The following SGPP1 variants were observed in gnomAD, a reference collection of about 807,000 sequenced individuals.
SGPP1 encodes sphingosine-1-phosphate phosphatase 1.
SGPP1 carries 21 observed loss-of-function variants against 33.0 expected under a neutral mutation model. The observed-to-expected ratio is 0.64, with a 90% CI of 0.45 to 0.92. The LOEUF (loss-of-function observed/expected upper bound fraction) is 0.92, where lower values mean the gene tolerates loss of function less well. Among genes scored for constraint, SGPP1 ranks in the 40% least tolerant of loss-of-function variants. The pLI is 0.00. For missense variants in SGPP1, 543 were observed against 589.4 expected, an observed-to-expected ratio of 0.92 and a Z score of 0.81; for synonymous variants, 239 against 241.2, an observed-to-expected ratio of 0.99 and a Z score of 0.08.
intron 1 of SGPP1, among the ~76,000 whole-genome samples, chr14:63,718,506 T>G (rs572961273): frequency 1.3e-5 from 2 of 152,046 alleles, no homozygotes; most frequent in South Asian, 4.1e-4. Context: ...ATATCATACA[T>G]TGGAACATTA....
At chr14:63,715,661 T>C (rs1241901996) in intron 1 of SGPP1, among the ~76,000 whole-genome samples, 1 of 152,088 alleles carries the variant, frequency 6.6e-6, no homozygotes. Context: ...GGAGAAAGAC[T>C]AGTATCCTCA....
chr14:63,694,660 T>A (rs1270414568), intron 2 of SGPP1, among the ~76,000 whole-genome samples: 1 of 152,182 alleles, frequency 6.6e-6, no homozygotes, highest in Non-Finnish European at 1.5e-5. Flanking sequence ...CATTTTGATA[T>A]CAATATAATG....
chr14:63,727,509 G>A lies in SGPP1; in HGVS notation c.436C>T (p.Leu146=), dbSNP rs142268829. Residue 146 remains leucine (L), a synonymous_variant, in exon 1 of 3, where the codon CTG becomes TTG. Coordinates refer to ENST00000247225, the MANE Select transcript of SGPP1 (RefSeq NM_030791.4). ...TTCCAGATCCAGAAGGGGAAGAACA[G>A]GATGTAGAAGAGTTCGTTGCCCAGC... ...TELGNELFYI[L]FFPFWIWNLD... 1.3e-3 allele frequency: 2,058 copies of A among 1,614,170 alleles called. 2 individuals carry two copies. The highest frequency in any genetic ancestry group is 1.7e-3 in the Non-Finnish European group (1,952 of 1,180,022).
intron 1 of SGPP1, among the ~76,000 whole-genome samples, chr14:63,709,042 T>C (rs1173477547): frequency 1.3e-5 from 2 of 152,178 alleles, no homozygotes; most frequent in Non-Finnish European, 2.9e-5. Flanking sequence ...GAAGGCTAAA[T>C]AAAAATTTCA....
intron 2 of SGPP1, among the ~76,000 whole-genome samples, chr14:63,696,997 A>G (rs376568950): frequency 2.0e-5 from 3 of 152,288 alleles, no homozygotes; most frequent in Admixed American, 6.5e-5. Context: ...AAAAGAAAAA[A>G]AAGTGTTTGG....
rs116882554 is a variant in SGPP1, at chr14:63,726,718, A to G, written c.684+543T>C. 3.9e-5 allele frequency among the ~76,000 whole-genome samples: 6 copies of G among 152,326 alleles called. No individual in the cohort carries two copies. The East Asian group carries it at 1.2e-3, about 29-fold the overall frequency. ...AACAGAACTCACCCTGTGCTCCATTAACTTCCATAAAGGGAACTTCGATGA... is the reference window on the plus strand; with the variant it reads ...AACAGAACTCACCCTGTGCTCCATTGACTTCCATAAAGGGAACTTCGATGA... On this transcript the variant is annotated intron_variant, in intron 1 of 2. Transcript: ENST00000247225.
At chr14:63,725,032 T>G (rs11845765) in intron 1 of SGPP1, among the ~76,000 whole-genome samples, 7,032 of 152,026 alleles carry the variant, frequency 0.046, 266 homozygotes, top group African/African-American at 0.1. Flanking sequence ...TCTTGTTTTT[T>G]GTACTGGATT....
chr14:63,708,519 C>T (rs1354979117), intron 1 of SGPP1, among the ~76,000 whole-genome samples: 1 of 151,970 alleles, frequency 6.6e-6, no homozygotes, highest in Admixed American at 6.6e-5. Flanking sequence ...TAGCCTCGGC[C>T]TCTCAAAGTG....
At chr14:63,713,967 G>A (rs1459325403) in intron 1 of SGPP1, among the ~76,000 whole-genome samples, 1 of 152,190 alleles carries the variant, frequency 6.6e-6, no homozygotes, top group African/African-American at 2.4e-5. Flanking sequence ...ATCTGCAGGA[G>A]GCCCAGACAG....
In SGPP1 at chr14:63,727,633, G is replaced by A; in HGVS notation, c.312C>T (p.Arg104=). 2 of 1,411,922 alleles carry A rather than the reference G, an allele frequency of 1.4e-6. No homozygotes were observed. Among genetic ancestry groups the A allele is most frequent in the Non-Finnish European group, 1.8e-6 (2 of 1,091,856 alleles). 87.5% of individuals were successfully genotyped at this position (1,411,922 alleles called of 1,614,324 possible). The change falls in exon 1 of 3, where the codon CGC becomes CGT. Residue 104 remains arginine (R), a synonymous_variant. Coordinates refer to ENST00000247225, the MANE Select transcript of SGPP1 (RefSeq NM_030791.4). ...GCGAGTTGCGGCGCAGAGCGCCCGCGCGCCGCGGCGAGGCCGGGCCCAGCT... is the reference window on the plus strand; with the variant it reads ...GCGAGTTGCGGCGCAGAGCGCCCGCACGCCGCGGCGAGGCCGGGCCCAGCT... ...AAELGPASPR[R]AGALRRNSLT...
rs1013808360 is a variant in SGPP1, at chr14:63,694,440, G to A, written c.774+4129C>T. On this transcript the variant is annotated intron_variant, in intron 2 of 2. Transcript: ENST00000247225. ...CTCTACTTTTTGTGTATAGCTCCACGAGTATTAAACTTAGATTGTTCCACA... is the reference window on the plus strand; with the variant it reads ...CTCTACTTTTTGTGTATAGCTCCACAAGTATTAAACTTAGATTGTTCCACA... 4.6e-5 allele frequency among the ~76,000 whole-genome samples: 7 copies of A among 151,546 alleles called. No individual in the cohort carries two copies. The South Asian group carries it at 8.3e-4, about 18-fold the overall frequency.
intron 2 of SGPP1, among the ~76,000 whole-genome samples, chr14:63,690,023 A>T (rs1400131494): frequency 6.6e-6 from 1 of 151,962 alleles, no homozygotes; most frequent in Non-Finnish European, 1.5e-5. Context: ...TGGGTTTTGG[A>T]TTAGTTAATT....
intron 1 of SGPP1, among the ~76,000 whole-genome samples, chr14:63,718,110 T>C (rs1595071822): frequency 6.6e-6 from 1 of 151,970 alleles, no homozygotes. Context: ...TAGCCAGGCA[T>C]GTTGGTGCTC....
intron 1 of SGPP1, among the ~76,000 whole-genome samples, chr14:63,708,039 A>G (rs1438302143): frequency 6.6e-6 from 1 of 152,056 alleles, no homozygotes; most frequent in Non-Finnish European, 1.5e-5. Context: ...AAATTTAGCA[A>G]TTCTGTAAGA....
rs1280619618 is a variant in SGPP1, at chr14:63,727,313, G to C, written c.632C>G (p.Ser211Cys). 1 of 1,614,044 alleles carries C rather than the reference G, an allele frequency of 6.2e-7. No individual in the cohort carries two copies. The highest frequency in any genetic ancestry group is 2.2e-5 in the East Asian group (1 of 44,872). The change falls in exon 1 of 3, where the codon TCC becomes TGC. Residue 211 changes from serine (S) to cysteine (C), a missense_variant. By Grantham distance (112) the Ser-to-Cys change is moderately radical. Transcript: ENST00000247225. ...EYSMPSTHAM[S>C]GTAIPISMVL... ...CATAGAAATGGGGATGGCGGTGCCG[G>C]ACATGGCATGGGTGGAGGGCATGCT... is the stretch of plus-strand genomic sequence containing the variant.
chr14:63,718,397 A>T (rs774689154), intron 1 of SGPP1, among the ~76,000 whole-genome samples: 7 of 152,202 alleles, frequency 4.6e-5, no homozygotes, highest in Non-Finnish European at 7.3e-5. Flanking sequence ...AGCTAAGGAA[A>T]TGTTATCACC....
At chr14:63,687,192 T>C (rs916542395) in intron 2 of SGPP1, among the ~76,000 whole-genome samples, 1 of 152,030 alleles carries the variant, frequency 6.6e-6, no homozygotes, top group Non-Finnish European at 1.5e-5. Flanking sequence ...TGTAATCCCA[T>C]CCCTTTGGGA....
chr14:63,691,716 T>A (rs1885097421), intron 2 of SGPP1, among the ~76,000 whole-genome samples: 1 of 152,172 alleles, frequency 6.6e-6, no homozygotes. Context: ...GGCATCAGTA[T>A]TTTTTAAAAA....
chr14:63,689,853 T>C (rs546434625), intron 2 of SGPP1, among the ~76,000 whole-genome samples: 1 of 152,314 alleles, frequency 6.6e-6, no homozygotes, highest in Non-Finnish European at 1.5e-5. Context: ...GCTAAAATGT[T>C]ACAGCAGTCT....
Sources: gnomAD v4.1 joint callset for allele counts (sites outside exome capture counted in the v4.1 genomes callset) on GRCh38, gnomAD v4.1.1 for gene constraint, MANE v1.5 for transcripts, NCBI Gene and HGNC (gene_info 2026-07-23, HGNC 2026-07-21) for gene names.